The following KCNIP1 variants were observed in gnomAD, a reference collection of about 807,000 sequenced individuals.
The protein encoded by KCNIP1 is A-type potassium channel modulatory protein KCNIP1.
KCNIP1 carries 18 observed loss-of-function variants against 33.0 expected under a neutral mutation model. The observed-to-expected ratio is 0.55, with a 90% CI of 0.38 to 0.81. The LOEUF (loss-of-function observed/expected upper bound fraction) is 0.81, where lower values mean the gene tolerates loss of function less well. KCNIP1 is among the 30% of genes least tolerant of loss of function. The probability of loss-of-function intolerance (pLI) is 0.00; values close to 1 mark genes in which losing one functional copy is unlikely to be tolerated. For synonymous variants in KCNIP1, 93 were observed against 98.3 expected (o/e 0.95, Z 0.32); for missense variants, 238 against 271.6 (o/e 0.88, Z 0.87).
At chr5:170,373,319 T>C (rs1763896235) in intron 1 of KCNIP1, among the ~76,000 whole-genome samples, 3 of 152,192 alleles carry the variant, frequency 2.0e-5, no homozygotes, top group African/African-American at 7.2e-5. Context: ...TGGAGCCTGG[T>C]GGAGAGCCTC....
At chr5:170,440,338 T>C (rs1241761690) in intron 1 of KCNIP1, among the ~76,000 whole-genome samples, 1 of 152,134 alleles carries the variant, frequency 6.6e-6, no homozygotes, top group African/African-American at 2.4e-5. Context: ...AACAGAAAAG[T>C]GTGATAAGGC....
rs374761049 is a variant in KCNIP1, at chr5:170,541,730, G to T, written c.61+37097G>T. Among the ~76,000 whole-genome samples the T allele has an allele frequency of 1.4e-4, 21 of 147,262 alleles. No individual in the cohort carries two copies. In the East Asian group the frequency reaches 3.5e-3, roughly 24 times the overall value. On this transcript the variant is annotated intron_variant, in intron 1 of 7. Transcript: ENST00000328939. ...ATGTTGTGAAGAGGGAAAGAGGTTT[G>T]CAGTCAGACAGCCTGAACCCAGGTT... is the stretch of plus-strand genomic sequence containing the variant.
intron 1 of KCNIP1, among the ~76,000 whole-genome samples, chr5:170,687,982 T>C (rs1762599064): frequency 6.7e-6 from 1 of 150,326 alleles, no homozygotes; most frequent in Non-Finnish European, 1.5e-5. Context: ...AGGAAGTTCA[T>C]CTTAGGATTT....
At chr5:170,421,750 C>G (rs911840528) in intron 1 of KCNIP1, among the ~76,000 whole-genome samples, 1 of 152,168 alleles carries the variant, frequency 6.6e-6, no homozygotes, top group African/African-American at 2.4e-5. Flanking sequence ...AACATTGAGA[C>G]CATAGCATCT....
At chr5:170,389,049 C>T (rs1012488467) in intron 1 of KCNIP1, among the ~76,000 whole-genome samples, 1 of 152,154 alleles carries the variant, frequency 6.6e-6, no homozygotes, top group South Asian at 2.1e-4. Flanking sequence ...AGGGCCAGGG[C>T]GCTTACTACC....
At chr5:170,675,217 C>T (rs184776935) in intron 1 of KCNIP1, among the ~76,000 whole-genome samples, 5 of 151,766 alleles carry the variant, frequency 3.3e-5, no homozygotes, top group Non-Finnish European at 4.4e-5. Flanking sequence ...GGGGATCACT[C>T]GAGCCCAGGG....
chr5:170,598,144 G>C (rs1758532541), intron 1 of KCNIP1, among the ~76,000 whole-genome samples: 1 of 152,138 alleles, frequency 6.6e-6, no homozygotes, highest in Non-Finnish European at 1.5e-5. Flanking sequence ...GTGTATTTTA[G>C]CAACAGAATC....
chr5:170,461,346 T>C (rs1240706060), intron 1 of KCNIP1, among the ~76,000 whole-genome samples: 2 of 152,118 alleles, frequency 1.3e-5, no homozygotes, highest in African/African-American at 2.4e-5. Flanking sequence ...AGAGCCCACA[T>C]AGCCAAAGCA....
At chr5:170,680,128 G>T (rs1762281472) in intron 1 of KCNIP1, among the ~76,000 whole-genome samples, 1 of 152,132 alleles carries the variant, frequency 6.6e-6, no homozygotes, top group Admixed American at 6.5e-5. Context: ...ACTTTACACA[G>T]GTTCTCTTAT....
chr5:170,697,684 G>A (rs1762946023), intron 1 of KCNIP1, among the ~76,000 whole-genome samples: 1 of 152,166 alleles, frequency 6.6e-6, no homozygotes, highest in South Asian at 2.1e-4. Context: ...ATGCCACTGT[G>A]CCGTGAACTT....
At chr5:170,450,136 C>A (rs1756214809) in intron 1 of KCNIP1, among the ~76,000 whole-genome samples, 1 of 148,100 alleles carries the variant, frequency 6.8e-6, no homozygotes, top group Non-Finnish European at 1.5e-5. Flanking sequence ...CCTCACCCCA[C>A]CCCCTGCCAC....
rs568372552 is a variant in KCNIP1 at position 170,371,613 on chromosome 5, T to C, written c.88+17649T>C. Among the ~76,000 whole-genome samples, 6 of 152,228 alleles carry C rather than the reference T, an allele frequency of 3.9e-5. No individual in the cohort carries two copies. In the South Asian group the frequency reaches 1.2e-3, roughly 32 times the overall value. The stretch of plus-strand genomic sequence containing the variant: ...TGCCTCCATTGGCTCATTGGTGAAA[T>C]GGAGATACTAATAATAACCTCAAAG... On this transcript the variant is annotated intron_variant, in intron 1 of 7. Transcript: ENST00000377360.
At chr5:170,714,048 G>T (rs1490627461) in intron 1 of KCNIP1, among the ~76,000 whole-genome samples, 1 of 151,864 alleles carries the variant, frequency 6.6e-6, no homozygotes, top group Non-Finnish European at 1.5e-5. Flanking sequence ...AGCTAGATGG[G>T]TAAGTATAAA....
chr5:170,386,913 A>G (rs1764497895), intron 1 of KCNIP1, among the ~76,000 whole-genome samples: 1 of 151,968 alleles, frequency 6.6e-6, no homozygotes, highest in East Asian at 1.9e-4. Flanking sequence ...GCAAGCAAAG[A>G]TTCCACCCTC....
chr5:170,653,358 C>T (rs996327036), intron 1 of KCNIP1, among the ~76,000 whole-genome samples: 2 of 152,142 alleles, frequency 1.3e-5, no homozygotes, highest in Non-Finnish European at 2.9e-5. Flanking sequence ...AGTGGTATCA[C>T]GAACATATCT....
At chr5:170,722,930 C>A (rs1763878155) in intron 5 of KCNIP1, 110 bp downstream of exon 5, 1 of 688,304 alleles carries the variant, frequency 1.5e-6, no homozygotes, top group Admixed American at 2.7e-5. Context: ...GCAGGCTCTG[C>A]TTTGGGGCTA....
chr5:170,608,290 C>G (rs566859254), intron 1 of KCNIP1, among the ~76,000 whole-genome samples: 2 of 152,224 alleles, frequency 1.3e-5, no homozygotes, highest in East Asian at 3.8e-4. Context: ...GGGGAACAGG[C>G]TCCCAACTCT....
At chr5:170,496,253 C>T (rs1282607591) in intron 1 of KCNIP1, among the ~76,000 whole-genome samples, 1 of 152,240 alleles carries the variant, frequency 6.6e-6, no homozygotes, top group Non-Finnish European at 1.5e-5. Flanking sequence ...GGACCCTTGT[C>T]CCTCCCATGT....
At chr5:170,496,121 C>T (rs1238245295) in intron 1 of KCNIP1, among the ~76,000 whole-genome samples, 1 of 152,198 alleles carries the variant, frequency 6.6e-6, no homozygotes, top group Non-Finnish European at 1.5e-5. Context: ...TCAGGGTCTT[C>T]AGGCTGCAGG....
Sources: allele counts gnomAD v4.1 joint callset (sites outside exome capture counted in the v4.1 genomes callset), GRCh38; gene constraint gnomAD v4.1.1; transcripts MANE v1.5; gene names NCBI Gene and HGNC (gene_info 2026-07-23, HGNC 2026-07-21).